Variants in SSC5D observed in about 807,000 individuals in gnomAD.
The protein encoded by SSC5D is soluble scavenger receptor cysteine-rich domain-containing protein SSC5D.
SSC5D carries 106 observed loss-of-function variants against 104.6 expected under a neutral mutation model. That is an observed-to-expected ratio of 1.01 (90% CI 0.87 to 1.19). The LOEUF is 1.19. Among genes scored for constraint, SSC5D ranks in the 50% most tolerant of loss-of-function variants. The pLI is 0.00. For missense variants in SSC5D, 1,993 were observed against 2,153.8 expected, an observed-to-expected ratio of 0.93 and a Z score of 1.48; for synonymous variants, 860 against 883.5, an observed-to-expected ratio of 0.97 and a Z score of 0.47.
At position 55,518,394 on chromosome 19, in the gene SSC5D, C is replaced by T; in HGVS notation, c.4118C>T (p.Pro1373Leu). The T allele has an allele frequency of 6.4e-7, 1 of 1,551,398 alleles. No homozygotes were observed. Among genetic ancestry groups the T allele is most frequent in the Non-Finnish European group, 8.7e-7 (1 of 1,146,948 alleles). Residue 1373 changes from proline to leucine, a missense_variant, in exon 14 of 14, where the codon CCT (proline) becomes CTT (leucine). Coordinates refer to ENST00000389623, the MANE Select transcript of SSC5D (RefSeq NM_001144950.2). The stretch of plus-strand genomic sequence containing the variant: ...CAGTTGACCTTCACAGCACCTGCCC[C>T]TCACACCTCCACATCCCAGATACCC... ...HPQLTFTAPAPHTSTSQIPTL... is the reference protein window; with the variant it reads ...HPQLTFTAPALHTSTSQIPTL...
chr19:55,513,759 C>T (rs1987809142), intron 13 of SSC5D, among the ~76,000 whole-genome samples: 1 of 152,140 alleles, frequency 6.6e-6, no homozygotes, highest in Non-Finnish European at 1.5e-5. Flanking sequence ...TCACAATGCA[C>T]ACGACATTCC....
chr19:55,496,412 A>G (rs1328900902), intron 8 of SSC5D, among the ~76,000 whole-genome samples: 1 of 152,244 alleles, frequency 6.6e-6, no homozygotes, highest in Non-Finnish European at 1.5e-5. Flanking sequence ...AGATGGGAAA[A>G]GGCCGAACAA....
At position 55,517,652 on chromosome 19, in the gene SSC5D, G is replaced by T; in HGVS notation, c.3376G>T (p.Asp1126Tyr). 1 of 1,551,472 alleles carries T rather than the reference G, an allele frequency of 6.4e-7. No individual in the cohort carries two copies. Among genetic ancestry groups the T allele is most frequent in the East Asian group, 2.4e-5 (1 of 40,902 alleles). ...EQVPESDTTPDLDTTPYSSTV... is the reference protein window; with the variant it reads ...EQVPESDTTPYLDTTPYSSTV... The stretch of plus-strand genomic sequence containing the variant: ...GGTCCCAGAATCTGACACAACCCCA[G>T]ATTTGGACACAACTCCATACTCCAG... The change falls in exon 14 of 14, where the codon GAT becomes TAT. Residue 1126 changes from aspartate to tyrosine, a missense_variant. Physicochemically the swap from Asp to Tyr is radical, Grantham distance 160 (BLOSUM62 -3). Around this residue, in one of 6 missense-constraint regions of SSC5D, gnomAD observed 423 missense variants for 409.2 expected, o/e 1.03. Coordinates refer to ENST00000389623, the MANE Select transcript of SSC5D (RefSeq NM_001144950.2).
chr19:55,510,925 C>T (rs556744453), intron 12 of SSC5D, among the ~76,000 whole-genome samples: 7 of 151,242 alleles, frequency 4.6e-5, no homozygotes, highest in African/African-American at 9.7e-5. Flanking sequence ...ATTACAGGTG[C>T]CCGCCACCAT....
At chr19:55,513,564 T>G (rs1324792273) in intron 13 of SSC5D, among the ~76,000 whole-genome samples, 2 of 152,148 alleles carry the variant, frequency 1.3e-5, no homozygotes, top group Non-Finnish European at 2.9e-5. Flanking sequence ...AGCGAGACCT[T>G]GTCTCAAATA....
At chr19:55,502,436 T>C (rs1277435946) in intron 12 of SSC5D, among the ~76,000 whole-genome samples, 1 of 152,110 alleles carries the variant, frequency 6.6e-6, no homozygotes, top group Non-Finnish European at 1.5e-5. Context: ...TCACCCTCAT[T>C]ACATCTATTT....
Position 55,517,457 on chromosome 19 carries a change from G to A in SSC5D, c.3181G>A (p.Asp1061Asn), listed in dbSNP as rs1224321873. Residue 1061 changes from aspartate to asparagine, a missense_variant, in exon 14 of 14, where the codon GAC becomes AAC. Transcript: ENST00000389623. ...AGACCCGGCCTCCCGGACGAACCCC[G>A]ACCTCATCTTGACAAGCCCTGACTT... ...TPDPASRTNP[D>N]LILTSPDFAL... 3.9e-6 allele frequency: 6 copies of A among 1,550,768 alleles called. No individual in the cohort carries two copies. The highest frequency in any genetic ancestry group is 5.2e-6 in the Non-Finnish European group (6 of 1,146,958).
chr19:55,500,206 C>G lies in SSC5D; in HGVS notation c.2096C>G (p.Thr699Arg). ...AGATGGACCTCTCACACCACTGCCACGCTGACCCCTCAGGCCCCCCGAGAA... is the reference window on the plus strand; with the variant it reads ...AGATGGACCTCTCACACCACTGCCAGGCTGACCCCTCAGGCCCCCCGAGAA... ...PQRWTSHTTA[T>R]LTPQAPRERT... is the part of the protein sequence containing the mutation. The change falls in exon 10 of 14, where the codon ACG becomes AGG. Residue 699 changes from threonine (T) to arginine (R), a missense_variant. This residue lies in a region of SSC5D where 1,101 missense variants were observed against 1,085.0 expected (regional missense o/e 1.01). Coordinates refer to ENST00000389623, the MANE Select transcript of SSC5D (RefSeq NM_001144950.2). The surrounding 1 kb of genome is among the most constrained non-coding windows in gnomAD (Gnocchi z 4.6). 1 of 1,551,344 alleles carries G rather than the reference C, an allele frequency of 6.4e-7. No individual in the cohort carries two copies. Among genetic ancestry groups the G allele is most frequent in the Non-Finnish European group, 8.7e-7 (1 of 1,146,896 alleles).
At position 55,500,242 on chromosome 19, in the gene SSC5D, A is replaced by G. The variant is rs1210288497; in HGVS notation, c.2132A>G (p.Lys711Arg). The G allele has an allele frequency of 8.4e-6, 13 of 1,551,194 alleles. No homozygotes were observed. Among genetic ancestry groups the G allele is most frequent in the Non-Finnish European group, 1.1e-5 (13 of 1,146,964 alleles). The part of the protein sequence containing the change: ...TPQAPRERTT[K>R]TMAMLTTQGP... ...CAGGCCCCCCGAGAACGGACCACTA[A>G]GACCATGGCAATGCTGACCACTCAA... The change falls in exon 10 of 14, where the codon AAG becomes AGG. Residue 711 changes from lysine to arginine, a missense_variant. Around this residue, in one of 6 missense-constraint regions of SSC5D, gnomAD observed 1,101 missense variants for 1,085.0 expected, o/e 1.01. Coordinates refer to ENST00000389623, the MANE Select transcript of SSC5D (RefSeq NM_001144950.2). The surrounding 1 kb of genome is among the most constrained non-coding windows in gnomAD (Gnocchi z 4.6).
intron 2 of SSC5D, 47 bp from the exon 3 acceptor site, chr19:55,489,306 GC>G (rs1462826079): frequency 1.4e-6 from 2 of 1,417,662 alleles, no homozygotes; most frequent in Non-Finnish European, 9.2e-7. Flanking sequence ...TGGCCTTGGG[GC>G]CCCCAGGATG....
Position 55,489,411 on chromosome 19 carries a change from A to G in SSC5D, c.110A>G (p.His37Arg). 6.7e-7 allele frequency: 1 copy of G among 1,490,744 alleles called. No homozygotes were observed. Among genetic ancestry groups the G allele is most frequent in the Non-Finnish European group, 8.9e-7 (1 of 1,127,220 alleles). 92.3% of individuals were successfully genotyped at this position (1,490,744 alleles called of 1,614,324 possible). Reference sequence around the variant, plus strand: ...TGCGCTGGCCGCCTGGAGGTCTGGCATGGCGGGCGCTGGGGCACCGTGTGT... The same window carrying G: ...TGCGCTGGCCGCCTGGAGGTCTGGCGTGGCGGGCGCTGGGGCACCGTGTGT... ...HGCAGRLEVW[H>R]GGRWGTVCDD... is the part of the protein sequence containing the mutation. The change falls in exon 3 of 14, where the codon CAT becomes CGT. Residue 37 changes from histidine (H) to arginine (R), a missense_variant. His to Arg is a conservative substitution (Grantham distance 29). This residue lies in a region of SSC5D where 1,101 missense variants were observed against 1,085.0 expected (regional missense o/e 1.01). Coordinates refer to ENST00000389623, the MANE Select transcript of SSC5D (RefSeq NM_001144950.2).
At chr19:55,512,575 A>G (rs12979862) in intron 12 of SSC5D, among the ~76,000 whole-genome samples, 150,293 of 151,294 alleles carry the variant, frequency 0.99, 74,686 homozygotes, top group Non-Finnish European at 1. Flanking sequence ...TCTGTCTCCC[A>G]GGTTCAAGTG....
In SSC5D at chr19:55,513,036, C is replaced by G. The variant is rs889202880; in HGVS notation, c.2811C>G (p.Pro937=). 6.4e-7 allele frequency: 1 copy of G among 1,552,058 alleles called. No individual in the cohort carries two copies. Among genetic ancestry groups the G allele is most frequent in the Admixed American group, 2.0e-5 (1 of 51,002 alleles). ...GCAGCAAAGATGGTTACAAGCTTCC[C>G]TGGACGTGGGACACACCATCAGGAA... ...DTGSKDGYKL[P]WTWDTPSGRG... The change falls in exon 13 of 14, where the codon CCC becomes CCG. Residue 937 remains proline (P), a synonymous_variant. Coordinates refer to ENST00000389623, the MANE Select transcript of SSC5D (RefSeq NM_001144950.2).
In SSC5D at chr19:55,514,266, G is replaced by A. The variant is rs1228901316; in HGVS notation, c.2947+1094G>A. On this transcript the variant is annotated intron_variant, in intron 13 of 13. Transcript: ENST00000389623. ...TAACAATACAAAAAATTAGCCAGGCGTGGTGGTAGGCACCTATGGTCCCAG... is the reference window on the plus strand; with the variant it reads ...TAACAATACAAAAAATTAGCCAGGCATGGTGGTAGGCACCTATGGTCCCAG... Among the ~76,000 whole-genome samples the A allele has an allele frequency of 3.3e-5, 5 of 151,914 alleles. No individual in the cohort carries two copies. The East Asian group carries it at 5.8e-4, about 18-fold the overall frequency.
intron 13 of SSC5D, among the ~76,000 whole-genome samples, 153 bp from the exon 14 acceptor site, chr19:55,517,071 G>T (rs1277552004): frequency 6.6e-6 from 1 of 152,222 alleles, no homozygotes; most frequent in Non-Finnish European, 1.5e-5. Flanking sequence ...AGGGAGGAGG[G>T]GCCCTAGGGC....
rs907150199 is a variant in SSC5D at position 55,504,273 on chromosome 19, G to A, written c.2785+3072G>A. 1.1e-4 allele frequency: 158 copies of A among 1,499,192 alleles called. No individual in the cohort carries two copies. In the African/African-American group the frequency reaches 1.8e-3, roughly 17 times the overall value. The allele number at this position is 1,499,192 out of a possible 1,614,324, so 92.9% of individuals were successfully genotyped here. A position where few individuals can be genotyped will look rare whatever the true frequency, so the allele number is the denominator to read the frequency against. On this transcript the variant is annotated intron_variant, in intron 12 of 13. Coordinates refer to ENST00000389623, the MANE Select transcript of SSC5D (RefSeq NM_001144950.2). ...CGGGTCCGGCCTCGGGACCCCTCCCGTAGGGTAGGGAGGCAGCCAATGAGC... is the reference window on the plus strand; with the variant it reads ...CGGGTCCGGCCTCGGGACCCCTCCCATAGGGTAGGGAGGCAGCCAATGAGC...
intron 8 of SSC5D, among the ~76,000 whole-genome samples, chr19:55,496,750 CT>C (rs34304244): frequency 0.44 from 61,310 of 139,800 alleles, 13,171 homozygotes; most frequent in South Asian, 0.58. Context: ...TTTTACCAGT[CT>C]TTTTTTTTTT....
At chr19:55,507,665 CAAAAAAAA>C (rs61340967) in intron 12 of SSC5D, among the ~76,000 whole-genome samples, 3 of 75,948 alleles carry the variant, frequency 4.0e-5, no homozygotes, top group Admixed American at 3.6e-4. Flanking sequence ...GACTCCGTCT[CAAAAAAAA>C]AAAAAAAAAA....
intron 12 of SSC5D, among the ~76,000 whole-genome samples, chr19:55,511,846 A>G (rs1568483958): frequency 6.6e-6 from 1 of 152,150 alleles, no homozygotes; most frequent in Non-Finnish European, 1.5e-5. Context: ...CTCCAGGATC[A>G]GTGTGGGGGG....
Sources: gnomAD v4.1 joint callset for allele counts (sites outside exome capture counted in the v4.1 genomes callset) on GRCh38, gnomAD v4.1.1 for gene constraint, gnomAD v4.1.1 regional missense constraint, Gnocchi (gnomAD v3.1) non-coding constraint, MANE v1.5 for transcripts, NCBI Gene and HGNC (gene_info 2026-07-23, HGNC 2026-07-21) for gene names.